MAGI2: variants seen among roughly 807,000 people sequenced by gnomAD.
MAGI2 encodes the protein membrane-associated guanylate kinase, WW and PDZ domain-containing protein 2.
In MAGI2, 35 loss-of-function variants were observed where a neutral mutation model predicts 133.3. The ratio of observed to expected loss-of-function variants is 0.26; its 90% confidence interval spans 0.20 to 0.35. MAGI2 has a LOEUF of 0.35. MAGI2 is among the 10% of genes least tolerant of loss of function. The probability of loss-of-function intolerance (pLI) is 1.00; values close to 1 mark genes in which losing one functional copy is unlikely to be tolerated. For missense variants in MAGI2, 1,636 were observed against 1,863.4 expected (o/e 0.88, Z 2.25); for synonymous variants, 729 against 710.6 (o/e 1.03, Z -0.41).
At chr7:78,566,415 A>G (rs1023599715) in intron 3 of MAGI2, among the ~76,000 whole-genome samples, 11 of 152,146 alleles carry the variant, frequency 7.2e-5, no homozygotes, top group African/African-American at 2.7e-4. Flanking sequence ...AATGCTTGAA[A>G]AATATGCCAA....
At chr7:79,154,121 G>C (rs1033258978) in intron 1 of MAGI2, among the ~76,000 whole-genome samples, 1 of 152,070 alleles carries the variant, frequency 6.6e-6, no homozygotes, top group African/African-American at 2.4e-5. Context: ...ACAACTGTAA[G>C]GGTTGTAGAT....
intron 1 of MAGI2, among the ~76,000 whole-genome samples, chr7:79,195,314 T>A (rs17152047): frequency 0.019 from 2,895 of 152,066 alleles, 128 homozygotes; most frequent in African/African-American, 0.066. Context: ...GTTCATCTCA[T>A]CAACTGAGCT....
chr7:79,234,741 G>A (rs887540109), intron 1 of MAGI2, among the ~76,000 whole-genome samples: 36 of 150,234 alleles, frequency 2.4e-4, no homozygotes, highest in Non-Finnish European at 3.9e-4. Context: ...TGGTTTGAAT[G>A]TCCTCCCGTA....
chr7:78,220,998 C>T (rs1337171156), intron 10 of MAGI2, among the ~76,000 whole-genome samples: 1 of 152,172 alleles, frequency 6.6e-6, no homozygotes, highest in East Asian at 1.9e-4. Flanking sequence ...CTCTCTAAGG[C>T]TACCGTACCT....
chr7:78,703,569 T>A (rs183374381), intron 2 of MAGI2, among the ~76,000 whole-genome samples: 40 of 152,138 alleles, frequency 2.6e-4, no homozygotes, highest in African/African-American at 8.7e-4. Flanking sequence ...GATACAACAG[T>A]GGTTGTCCAT....
chr7:79,028,297 G>GTATATA lies in MAGI2; in HGVS notation c.302-21097_302-21092dup, dbSNP rs201592550. 7.2e-5 allele frequency among the ~76,000 whole-genome samples: 2 copies of GTATATA among 27,656 alleles called. 1 individual carries two copies. The highest frequency in any genetic ancestry group is 1.8e-4 in the African/African-American group (2 of 11,370). 18.1% of individuals were successfully genotyped at this position (27,656 alleles called of 152,430 possible). On this transcript the variant is annotated intron_variant, in intron 1 of 21. Coordinates refer to ENST00000354212, the MANE Select transcript of MAGI2 (RefSeq NM_012301.4). ...TGTATGTATATATATATATATGTGT[G>GTATATA]TATATATATATATATACACACATAT...
At chr7:79,049,368 T>C (rs1486059975) in intron 1 of MAGI2, among the ~76,000 whole-genome samples, 1 of 152,130 alleles carries the variant, frequency 6.6e-6, no homozygotes, top group Non-Finnish European at 1.5e-5. Flanking sequence ...AATGTGATAA[T>C]ATAAGTATGT....
chr7:79,069,240 CTT>C (rs1481645100), intron 1 of MAGI2, among the ~76,000 whole-genome samples: 2 of 152,074 alleles, frequency 1.3e-5, no homozygotes, highest in South Asian at 4.1e-4. Context: ...GTCTAAGCCT[CTT>C]TGTACGTCTC....
At chr7:78,125,632 C>A (rs956567891) in intron 20 of MAGI2, 62 bp downstream of exon 20, 3 of 1,573,000 alleles carry the variant, frequency 1.9e-6, no homozygotes, top group Non-Finnish European at 2.6e-6. Context: ...AGTACTCTTC[C>A]AATACCACAG....
intron 2 of MAGI2, among the ~76,000 whole-genome samples, chr7:78,836,984 C>T (rs916973200): frequency 1.3e-5 from 2 of 152,164 alleles, no homozygotes; most frequent in Non-Finnish European, 2.9e-5. Context: ...AGAATTCTTG[C>T]TGTGGTGAAT....
intron 6 of MAGI2, among the ~76,000 whole-genome samples, chr7:78,483,582 C>A (rs76231806): frequency 0.017 from 2,595 of 151,258 alleles, 82 homozygotes; most frequent in African/African-American, 0.059. Flanking sequence ...TACTGGTGCA[C>A]GACAGTGGAA....
At chr7:78,134,959 A>G in intron 17 of MAGI2, 62 bp downstream of exon 17, 2 of 1,467,148 alleles carry the variant, frequency 1.4e-6, no homozygotes, top group Non-Finnish European at 1.9e-6. Flanking sequence ...GCAGGCTGAG[A>G]ACACCCGGTG....
chr7:78,784,203 G>GTT (rs36109639), intron 2 of MAGI2, among the ~76,000 whole-genome samples: 14,131 of 147,184 alleles, frequency 0.096, 864 homozygotes, highest in East Asian at 0.23. Context: ...AATGTTTTAG[G>GTT]TTTTTTTTTT....
intron 2 of MAGI2, among the ~76,000 whole-genome samples, chr7:78,744,428 T>C (rs1373665874): frequency 6.6e-6 from 1 of 152,234 alleles, no homozygotes; most frequent in Non-Finnish European, 1.5e-5. Context: ...TTGCAAATTT[T>C]CTTATTAATC....
At chr7:79,163,715 T>G (rs1376868828) in intron 1 of MAGI2, among the ~76,000 whole-genome samples, 1 of 152,092 alleles carries the variant, frequency 6.6e-6, no homozygotes, top group Non-Finnish European at 1.5e-5. Context: ...GCAGGGATTA[T>G]TTTTTGGCTG....
intron 6 of MAGI2, among the ~76,000 whole-genome samples, chr7:78,409,485 C>T (rs902041820): frequency 6.6e-6 from 1 of 152,064 alleles, no homozygotes; most frequent in Non-Finnish European, 1.5e-5. Context: ...AAAGACCAGT[C>T]TACTCAAAGC....
rs117627299 is a variant in MAGI2 at position 78,635,598 on chromosome 7, T to C, written c.419-8359A>G. The stretch of plus-strand genomic sequence containing the variant: ...GTCATTGTGTGAGAATGTGAGAAAA[T>C]GAATTCTGTTCTTATTCATATATTC... On this transcript the variant is annotated intron_variant, in intron 2 of 21. Transcript: ENST00000354212. Among the ~76,000 whole-genome samples the C allele has an allele frequency of 6.0e-3, 917 of 152,332 alleles. 26 individuals carry two copies. In the East Asian group the frequency reaches 0.082, roughly 14 times the overall value.
intron 20 of MAGI2, among the ~76,000 whole-genome samples, chr7:78,099,889 G>A (rs547193335): frequency 2.2e-4 from 34 of 152,248 alleles, no homozygotes; most frequent in African/African-American, 7.5e-4. Flanking sequence ...TAATAGTGTG[G>A]TCAATTTAAA....
intron 9 of MAGI2, among the ~76,000 whole-genome samples, chr7:78,281,638 C>A (rs988795664): frequency 6.6e-6 from 1 of 150,390 alleles, no homozygotes; most frequent in African/African-American, 2.4e-5. Context: ...CACATACATA[C>A]TCTCTCATTC....
Sources: allele counts gnomAD v4.1 joint callset (sites outside exome capture counted in the v4.1 genomes callset), GRCh38; gene constraint gnomAD v4.1.1; transcripts MANE v1.5; gene names NCBI Gene and HGNC (gene_info 2026-07-23, HGNC 2026-07-21).